Variants in MFAP4 observed in about 807,000 individuals in gnomAD.
The protein encoded by MFAP4 is microfibril-associated glycoprotein 4.
Under a neutral mutation model 32.4 loss-of-function variants are expected in MFAP4, and 20 were observed. That is an observed-to-expected ratio of 0.62 (90% CI 0.43 to 0.90). The LOEUF (loss-of-function observed/expected upper bound fraction) is 0.90, where lower values mean the gene tolerates loss of function less well. Ranked by LOEUF, MFAP4 falls within the 40% of genes least tolerant of loss-of-function variation. The pLI is 0.00. For synonymous variants in MFAP4, 146 were observed against 137.4 expected (o/e 1.06, Z -0.44); for missense variants, 267 against 329.5 (o/e 0.81, Z 1.47).
chr17:19,386,054 G>A (rs1376616118), intron 3 of MFAP4, among the ~76,000 whole-genome samples: 5 of 152,254 alleles, frequency 3.3e-5, no homozygotes, highest in African/African-American at 4.8e-5. Context: ...GGGAGGTGGA[G>A]TTTCCAGCAG....
chr17:19,383,814 T>C lies in MFAP4; in HGVS notation c.*648A>G, dbSNP rs1208725824. 6.4e-6 allele frequency: 1 copy of C among 155,156 alleles called. No homozygotes were observed. Among genetic ancestry groups the C allele is most frequent in the African/African-American group, 2.4e-5 (1 of 41,454 alleles). 9.6% of individuals were successfully genotyped at this position (155,156 alleles called of 1,614,324 possible). ...CATGCCTACCTTGGCTGTGGCTGTT[T>C]CAGGGTGGTGTGCGGTAGCTGTGTT... On this transcript the variant is annotated 3_prime_UTR_variant, in exon 6 of 6. Transcript: ENST00000299610.
At position 19,384,597 on chromosome 17, in the gene MFAP4, G is replaced by A. The variant is rs764939323; in HGVS notation, c.633C>T (p.Ser211=). The change falls in exon 6 of 6, where the codon AGC becomes AGT. Residue 211 remains serine (S), a synonymous_variant. Transcript: ENST00000299610. ...AGCCATTGAGGTTGGCAAAGTGGCA[G>A]CTGCGGAACCAGAAGGCTCCTGAGG... ...ALSSGAFWFR[S]CHFANLNGFY... 6.2e-7 allele frequency: 1 copy of A among 1,614,180 alleles called. No individual in the cohort carries two copies. The highest frequency in any genetic ancestry group is 2.2e-5 in the East Asian group (1 of 44,870).
chr17:19,385,206 T>G lies in MFAP4; in HGVS notation c.413A>C (p.Asn138Thr), dbSNP rs1369503683. 8 of 1,614,264 alleles carry G rather than the reference T, an allele frequency of 5.0e-6. No individual in the cohort carries two copies. The highest frequency in any genetic ancestry group is 6.8e-6 in the Non-Finnish European group (8 of 1,180,034). The part of the protein sequence containing the change: ...LRVDLEDFEN[N>T]TAYAKYADFS... ...GTCAGCGTACTTGGCATAGGCCGTG[T>G]TGTTCTCAAAGTCCTCCAAGTCCAC... is the stretch of plus-strand genomic sequence containing the variant. Residue 138 changes from asparagine (N) to threonine (T), a missense_variant, in exon 5 of 6, where the codon AAC (asparagine) becomes ACC (threonine). By Grantham distance (65) the Asn-to-Thr change is moderately conservative. This residue lies in a region of MFAP4 where 223 missense variants were observed against 253.3 expected (regional missense o/e 0.88). Coordinates refer to ENST00000299610, the MANE Select transcript of MFAP4 (RefSeq NM_002404.3).
chr17:19,385,554 C>A, intron 3 of MFAP4, 100 bp from the exon 4 acceptor site: 2 of 877,622 alleles, frequency 2.3e-6, no homozygotes, highest in Non-Finnish European at 3.6e-6. Context: ...ATGCTGTGGC[C>A]AGTTTGTTAA....
chr17:19,383,491 C>CT lies in MFAP4; in HGVS notation c.*970dup, dbSNP rs2152295179. The CT allele has an allele frequency of 3.5e-6, 1 of 288,182 alleles. No individual in the cohort carries two copies. Among genetic ancestry groups the CT allele is most frequent in the Non-Finnish European group, 6.3e-6 (1 of 158,200 alleles). The allele number at this position is 288,182 out of a possible 1,614,324, so 17.9% of individuals were successfully genotyped here. On this transcript the variant is annotated 3_prime_UTR_variant, in exon 6 of 6. Transcript: ENST00000299610. ...TATTATTATGTTATTATTACACTGT[C>CT]TTTTTGCCATCAAAATGAGGCCTGT...
chr17:19,386,993 C>CCCCCCT, intron 1 of MFAP4, 155 bp from the exon 2 acceptor site: 1 of 1,119,084 alleles, frequency 8.9e-7, no homozygotes, highest in Non-Finnish European at 1.3e-6. Flanking sequence ...CCACCCCGCC[C>CCCCCCT]GCCAAGTAAC....
In MFAP4 at chr17:19,384,130, G is replaced by T; in HGVS notation, c.*332C>A. ...GGACCACAAAGGCCTGCAGCTGGGA[G>T]AGTGGCTCCTGGCTGTCAGCTGTTG... On this transcript the variant is annotated 3_prime_UTR_variant, in exon 6 of 6. Coordinates refer to ENST00000299610, the MANE Select transcript of MFAP4 (RefSeq NM_002404.3). 2.8e-6 allele frequency: 1 copy of T among 356,932 alleles called. No homozygotes were observed. Among genetic ancestry groups the T allele is most frequent in the South Asian group, 2.5e-5 (1 of 39,368 alleles). The allele number at this position is 356,932 out of a possible 1,614,324, so 22.1% of individuals were successfully genotyped here.
In MFAP4 at chr17:19,385,190, C is replaced by G. The variant is rs766467522; in HGVS notation, c.429G>C (p.Lys143Asn). The G allele has an allele frequency of 2.5e-6, 4 of 1,614,284 alleles. No individual in the cohort carries two copies. Among genetic ancestry groups the G allele is most frequent in the Non-Finnish European group, 3.4e-6 (4 of 1,180,052 alleles). Residue 143 changes from lysine (K) to asparagine (N), a missense_variant, in exon 5 of 6, where the codon AAG becomes AAC. This residue lies in a region of MFAP4 where 223 missense variants were observed against 253.3 expected (regional missense o/e 0.88). Transcript: ENST00000299610. ...TCGGGGAGATGGAGAAGTCAGCGTA[C>G]TTGGCATAGGCCGTGTTGTTCTCAA... ...EDFENNTAYA[K>N]YADFSISPNA...
chr17:19,385,410 G>C lies in MFAP4; in HGVS notation c.285C>G (p.Gly95=). The C allele has an allele frequency of 6.2e-7, 1 of 1,614,262 alleles. No individual in the cohort carries two copies. The highest frequency in any genetic ancestry group is 8.5e-7 in the Non-Finnish European group (1 of 1,180,038). Residue 95 remains glycine, a synonymous_variant, in exon 4 of 6, where the codon GGC becomes GGG. Transcript: ENST00000299610. The part of the protein sequence containing the change: ...RFNGSVSFFR[G]WNDYKLGFGR... ...CGAAGCCCAGCTTGTAGTCATTCCAGCCGCGGAAGAAACTTACTGAGCCAT... is the reference window on the plus strand; with the variant it reads ...CGAAGCCCAGCTTGTAGTCATTCCACCCGCGGAAGAAACTTACTGAGCCAT...
chr17:19,385,595 G>T, intron 3 of MFAP4, 141 bp from the exon 4 acceptor site: 1 of 737,388 alleles, frequency 1.4e-6, no homozygotes, highest in South Asian at 1.6e-5. Flanking sequence ...GAGGGTGGTG[G>T]GAGTGGGGTT....
At chr17:19,386,972 T>TGCGGGGGGCC in intron 1 of MFAP4, 134 bp from the exon 2 acceptor site, 1 of 937,014 alleles carries the variant, frequency 1.1e-6, no homozygotes, top group Non-Finnish European at 1.7e-6. Context: ...TGGCCCCTCT[T>TGCGGGGGGCC]CCCTGCCCCC....
intron 1 of MFAP4, 140 bp from the exon 2 acceptor site, chr17:19,386,978 C>CCA: frequency 2.2e-6 from 1 of 455,548 alleles, no homozygotes; most frequent in Non-Finnish European, 4.3e-6. Context: ...CTCTTCCCTG[C>CCA]CCCCCCACCC....
At chr17:19,386,972 T>TGGCGGGGCC in intron 1 of MFAP4, 134 bp from the exon 2 acceptor site, 1 of 937,010 alleles carries the variant, frequency 1.1e-6, no homozygotes, top group Non-Finnish European at 1.7e-6. Context: ...TGGCCCCTCT[T>TGGCGGGGCC]CCCTGCCCCC....
chr17:19,386,972 T>TGCCGGGGCCCCCCCC, intron 1 of MFAP4, 134 bp from the exon 2 acceptor site: 1 of 937,014 alleles, frequency 1.1e-6, no homozygotes, highest in Non-Finnish European at 1.7e-6. Flanking sequence ...TGGCCCCTCT[T>TGCCGGGGCCCCCCCC]CCCTGCCCCC....
At position 19,383,491 on chromosome 17, in the gene MFAP4, C is replaced by T. The variant is rs1160782391; in HGVS notation, c.*971G>A. ...TATTATTATGTTATTATTACACTGT[C>T]TTTTTGCCATCAAAATGAGGCCTGT... On this transcript the variant is annotated 3_prime_UTR_variant, in exon 6 of 6. Coordinates refer to ENST00000299610, the MANE Select transcript of MFAP4 (RefSeq NM_002404.3). The T allele has an allele frequency of 6.9e-6, 2 of 288,182 alleles. No individual in the cohort carries two copies. The highest frequency in any genetic ancestry group is 1.4e-4 in the South Asian group (1 of 7,302). The allele number at this position is 288,182 out of a possible 1,614,324, so 17.9% of individuals were successfully genotyped here.
intron 5 of MFAP4, 62 bp from the exon 6 acceptor site, chr17:19,384,771 G>A: frequency 6.2e-7 from 1 of 1,600,950 alleles, no homozygotes. Context: ...AGCTGGCCGG[G>A]AGAGGGTGAC....
intron 1 of MFAP4, 154 bp downstream of exon 1, chr17:19,386,996 C>CCCA: frequency 1.7e-6 from 2 of 1,177,460 alleles, no homozygotes; most frequent in Admixed American, 2.2e-5. Context: ...CCCCGCCCGC[C>CCCA]AAGTAACCCC....
Position 19,385,037 on chromosome 17 carries a change from G to A in MFAP4, c.520+62C>T, listed in dbSNP as rs908300148. 5 of 1,557,056 alleles carry A rather than the reference G, an allele frequency of 3.2e-6. No homozygotes were observed. The African/African-American group carries it at 5.4e-5, about 17-fold the overall frequency. Reference sequence around the variant, plus strand: ...CCTGAAGGAGGTTGGGGCTGACTGGGCAGGGCCAGCCCTGCCTTCTTTCCC... The same window carrying A: ...CCTGAAGGAGGTTGGGGCTGACTGGACAGGGCCAGCCCTGCCTTCTTTCCC... On this transcript the variant is annotated intron_variant, in intron 5 of 5. Transcript: ENST00000299610.
rs765567031 is a variant in MFAP4 at position 19,385,211 on chromosome 17, C to T, written c.408G>A (p.Glu136=). ...CGTACTTGGCATAGGCCGTGTTGTTCTCAAAGTCCTCCAAGTCCACTCGCA... is the reference window on the plus strand; with the variant it reads ...CGTACTTGGCATAGGCCGTGTTGTTTTCAAAGTCCTCCAAGTCCACTCGCA... ...YELRVDLEDF[E]NNTAYAKYAD... is the part of the protein sequence containing the mutation. Residue 136 remains glutamate, a synonymous_variant, in exon 5 of 6, where the codon GAG becomes GAA. Coordinates refer to ENST00000299610, the MANE Select transcript of MFAP4 (RefSeq NM_002404.3). 2.5e-6 allele frequency: 4 copies of T among 1,614,158 alleles called. No individual in the cohort carries two copies. In the African/African-American group the frequency reaches 5.3e-5, roughly 22 times the overall value.
Sources: gnomAD v4.1 joint callset for allele counts (sites outside exome capture counted in the v4.1 genomes callset) on GRCh38, gnomAD v4.1.1 for gene constraint, gnomAD v4.1.1 regional missense constraint, MANE v1.5 for transcripts, NCBI Gene and HGNC (gene_info 2026-07-23, HGNC 2026-07-21) for gene names.